The following ME1 variants were observed in gnomAD, a reference collection of about 807,000 sequenced individuals.
ME1 encodes the protein malic enzyme 1.
A neutral mutation model predicts 66.4 loss-of-function variants in ME1; 74 were observed. The observed-to-expected ratio is 1.11, with a 90% CI of 0.92 to 1.35. The LOEUF is 1.35. Among genes scored for constraint, ME1 ranks in the 40% most tolerant of loss-of-function variants. The probability of loss-of-function intolerance (pLI) is 0.00; values close to 1 mark genes in which losing one functional copy is unlikely to be tolerated. For synonymous variants in ME1, 251 were observed against 235.6 expected, an observed-to-expected ratio of 1.07 and a Z score of -0.60; for missense variants, 750 against 694.1, an observed-to-expected ratio of 1.08 and a Z score of -0.90.
Position 83,352,093 on chromosome 6 carries a change from G to C in ME1, c.409C>G (p.Leu137Val), listed in dbSNP as rs752945994. 101 of 1,538,418 alleles carry C rather than the reference G, an allele frequency of 6.6e-5. No homozygotes were observed. The highest frequency in any genetic ancestry group is 8.5e-5 in the Non-Finnish European group (97 of 1,137,064). The change falls in exon 4 of 14, where the codon CTC becomes GTC. Residue 137 changes from leucine to valine, a missense_variant. Transcript: ENST00000369705. ...ATGACATCTTCTGGCCATGCATTGA[G>C]AACTGAAGCAATATGCCCTCGATCG... ...IHDRGHIASV[L>V]NAWPEDVIKA...
At chr6:83,219,000 C>T (rs1307683725) in intron 12 of ME1, among the ~76,000 whole-genome samples, 6 of 152,064 alleles carry the variant, frequency 3.9e-5, no homozygotes, top group Non-Finnish European at 5.9e-5. Context: ...AGAATAATGC[C>T]TAGCATATGT....
intron 2 of ME1, among the ~76,000 whole-genome samples, chr6:83,401,427 GAAT>G (rs1235411124): frequency 6.6e-6 from 1 of 152,130 alleles, no homozygotes; most frequent in South Asian, 2.1e-4. Context: ...ACCTGACACT[GAAT>G]TGATGTTCAA....
At chr6:83,360,191 C>A (rs1458956800) in intron 3 of ME1, among the ~76,000 whole-genome samples, 2 of 152,164 alleles carry the variant, frequency 1.3e-5, no homozygotes, top group African/African-American at 4.8e-5. Flanking sequence ...AGGCCAGATC[C>A]CCTGGAGGAA....
At chr6:83,423,914 G>C (rs1355661038) in intron 1 of ME1, among the ~76,000 whole-genome samples, 1 of 152,146 alleles carries the variant, frequency 6.6e-6, no homozygotes, top group East Asian at 1.9e-4. Flanking sequence ...TTTCAGACCA[G>C]TCTGGGGAAC....
intron 5 of ME1, 145 bp downstream of exon 5, chr6:83,346,028 A>T: frequency 1.8e-6 from 1 of 563,262 alleles, no homozygotes; most frequent in East Asian, 3.1e-5. Context: ...TAATTTTCTT[A>T]CAACAGTAAA....
intron 3 of ME1, among the ~76,000 whole-genome samples, chr6:83,385,245 C>T (rs1009615886): frequency 6.6e-6 from 1 of 151,830 alleles, no homozygotes; most frequent in South Asian, 2.1e-4. Flanking sequence ...AGAACTATGC[C>T]TCCTTTTTAA....
chr6:83,374,339 T>C (rs1420980625), intron 3 of ME1, among the ~76,000 whole-genome samples: 1 of 152,240 alleles, frequency 6.6e-6, no homozygotes, highest in African/African-American at 2.4e-5. Context: ...GATTTGCATT[T>C]CTCTAACAAT....
At chr6:83,224,725 A>T (rs188217566) in intron 11 of ME1, among the ~76,000 whole-genome samples, 1,568 of 150,160 alleles carry the variant, frequency 0.01, 31 homozygotes, top group East Asian at 0.076. Context: ...ATAAATAAAT[A>T]AAATAAAATA....
chr6:83,379,330 A>G (rs1484213508), intron 3 of ME1, among the ~76,000 whole-genome samples: 1 of 152,076 alleles, frequency 6.6e-6, no homozygotes, highest in Admixed American at 6.6e-5. Context: ...AGAACTCCCC[A>G]ATATAAAATA....
intron 12 of ME1, among the ~76,000 whole-genome samples, chr6:83,219,602 G>A (rs1790048754): frequency 1.3e-5 from 2 of 152,030 alleles, no homozygotes; most frequent in South Asian, 4.2e-4. Context: ...ATGTATGTAT[G>A]TATGTATGTA....
chr6:83,346,458 T>C, intron 4 of ME1, 124 bp from the exon 5 acceptor site: 5 of 536,768 alleles, frequency 9.3e-6, no homozygotes, highest in Non-Finnish European at 1.5e-5. Flanking sequence ...AAATTGAATA[T>C]TTATGAAAAA....
In ME1 at chr6:83,407,909, G is replaced by A. The variant is rs749351069; in HGVS notation, c.79-8C>T. The A allele has an allele frequency of 5.7e-6, 9 of 1,588,606 alleles. No homozygotes were observed. Among genetic ancestry groups the A allele is most frequent in the Non-Finnish European group, 7.7e-6 (9 of 1,172,386 alleles). ...CAGGGTAAAGGCCAAGTCCTATAGA[G>A]AAAAAACACACACACACACACAACA... On this transcript the variant is annotated splice_polypyrimidine_tract_variant and splice_region_variant and intron_variant, in intron 1 of 13. Transcript: ENST00000369705.
chr6:83,367,478 T>C (rs1055526024), intron 3 of ME1, among the ~76,000 whole-genome samples: 14 of 152,224 alleles, frequency 9.2e-5, no homozygotes, highest in South Asian at 4.1e-4. Context: ...GGTGTCTCCA[T>C]TGAAAATCTG....
At chr6:83,312,107 GTAA>G (rs1767941629) in intron 6 of ME1, among the ~76,000 whole-genome samples, 1 of 152,094 alleles carries the variant, frequency 6.6e-6, no homozygotes, top group Admixed American at 6.5e-5. Flanking sequence ...AGAATACAGG[GTAA>G]TAATCCCCCT....
At chr6:83,255,398 C>A (rs1477120347) in intron 6 of ME1, among the ~76,000 whole-genome samples, 1 of 151,774 alleles carries the variant, frequency 6.6e-6, no homozygotes, top group South Asian at 2.1e-4. Flanking sequence ...ATTGTTTTCA[C>A]CAAATAAATT....
chr6:83,281,612 C>G (rs1583355047), intron 6 of ME1, among the ~76,000 whole-genome samples: 1 of 151,642 alleles, frequency 6.6e-6, no homozygotes, highest in East Asian at 1.9e-4. Context: ...TTGAGACCAG[C>G]CTGGCCAAGA....
intron 3 of ME1, among the ~76,000 whole-genome samples, chr6:83,383,455 C>A (rs1458505145): frequency 1.3e-5 from 2 of 151,700 alleles, no homozygotes; most frequent in African/African-American, 4.9e-5. Flanking sequence ...AAAACTAGTA[C>A]AAGCACCCAA....
intron 6 of ME1, among the ~76,000 whole-genome samples, chr6:83,284,619 A>G (rs972415987): frequency 2.0e-5 from 3 of 152,192 alleles, no homozygotes; most frequent in Non-Finnish European, 4.4e-5. Flanking sequence ...ATCTCAATAG[A>G]TGCAGAAAAC....
In ME1 at chr6:83,345,104, C is replaced by T. The variant is rs545967675; in HGVS notation, c.600+1069G>A. Among the ~76,000 whole-genome samples, 10 of 152,180 alleles carry T rather than the reference C, an allele frequency of 6.6e-5. No homozygotes were observed. The South Asian group carries it at 2.1e-3, about 32-fold the overall frequency. On this transcript the variant is annotated intron_variant, in intron 5 of 13. Transcript: ENST00000369705. ...CCTGAATCTCCTGAGTTCAACCAATCCTCCTACCTTCTAGCCTCCTGAGTA... is the reference window on the plus strand; with the variant it reads ...CCTGAATCTCCTGAGTTCAACCAATTCTCCTACCTTCTAGCCTCCTGAGTA...
Sources: gnomAD v4.1 joint callset for allele counts (sites outside exome capture counted in the v4.1 genomes callset) on GRCh38, gnomAD v4.1.1 for gene constraint, MANE v1.5 for transcripts, NCBI Gene and HGNC (gene_info 2026-07-23, HGNC 2026-07-21) for gene names.